LIPA: variants seen among roughly 807,000 people sequenced by gnomAD.
LIPA encodes the protein lysosomal acid lipase/cholesteryl ester hydrolase.
Under a neutral mutation model 40.6 loss-of-function variants are expected in LIPA, and 26 were observed. That is an observed-to-expected ratio of 0.64 (90% confidence interval 0.47 to 0.89). The LOEUF (loss-of-function observed/expected upper bound fraction) is 0.89. Among genes scored for constraint, LIPA ranks in the 40% least tolerant of loss-of-function variants. The pLI is 0.00. For synonymous variants in LIPA, 188 were observed against 168.4 expected, an observed-to-expected ratio of 1.12 and a Z score of -0.90; for missense variants, 455 against 479.6, an observed-to-expected ratio of 0.95 and a Z score of 0.48.
At chr10:89,313,823 T>C (rs2133528032) in intron 1 of LIPA, among the ~76,000 whole-genome samples, 1 of 152,340 alleles carries the variant, frequency 6.6e-6, no homozygotes, top group South Asian at 2.1e-4. Context: ...ATATGAAATG[T>C]GGAACGGAGG....
intron 1 of LIPA, among the ~76,000 whole-genome samples, chr10:89,300,286 G>T (rs1316395280): frequency 6.6e-6 from 1 of 152,160 alleles, no homozygotes; most frequent in African/African-American, 2.4e-5. Context: ...GTGGGAAGAT[G>T]AGAGTTAGGT....
At chr10:89,223,456 A>G (rs943876006) in intron 7 of LIPA, among the ~76,000 whole-genome samples, 1 of 152,178 alleles carries the variant, frequency 6.6e-6, no homozygotes, top group Non-Finnish European at 1.5e-5. Flanking sequence ...TCCTCATTCA[A>G]TAATCTCCAT....
chr10:89,302,685 C>T (rs1175375763), intron 1 of LIPA, among the ~76,000 whole-genome samples: 1 of 152,040 alleles, frequency 6.6e-6, no homozygotes, highest in Non-Finnish European at 1.5e-5. Flanking sequence ...CCCAAAATGC[C>T]TCCTGAGTAT....
At chr10:89,379,892 G>C (rs1339764688) in intron 2 of LIPA, among the ~76,000 whole-genome samples, 1 of 151,976 alleles carries the variant, frequency 6.6e-6, no homozygotes, top group Non-Finnish European at 1.5e-5. Context: ...AAAATTAGCC[G>C]GGAGTGGTGG....
intron 2 of LIPA, among the ~76,000 whole-genome samples, chr10:89,387,083 G>A (rs539277352): frequency 2.6e-5 from 4 of 152,142 alleles, no homozygotes; most frequent in African/African-American, 7.2e-5. Context: ...TTGGGAGGCC[G>A]AGGTGGGCAG....
intron 1 of LIPA, among the ~76,000 whole-genome samples, chr10:89,257,648 C>A (rs1460427339): frequency 6.6e-6 from 1 of 152,150 alleles, no homozygotes; most frequent in East Asian, 1.9e-4. Context: ...AGATAATTGC[C>A]TGGACAGATT....
At chr10:89,336,738 A>G (rs533470813) in intron 1 of LIPA, among the ~76,000 whole-genome samples, 1 of 151,060 alleles carries the variant, frequency 6.6e-6, no homozygotes, top group South Asian at 2.1e-4. Flanking sequence ...TAGCAGCCCT[A>G]TTTGGTTCAT....
At chr10:89,373,768 G>A (rs551077887) in intron 2 of LIPA, among the ~76,000 whole-genome samples, 1 of 152,342 alleles carries the variant, frequency 6.6e-6, no homozygotes, top group Non-Finnish European at 1.5e-5. Flanking sequence ...AAACTTTAAT[G>A]TACCAACAAA....
At chr10:89,295,976 T>C (rs1226850920) in intron 1 of LIPA, among the ~76,000 whole-genome samples, 1 of 152,194 alleles carries the variant, frequency 6.6e-6, no homozygotes, top group East Asian at 1.9e-4. Context: ...TGTAAATCAG[T>C]ATCTCAACCA....
In LIPA at chr10:89,399,871, C is replaced by G. The variant is rs569347983; in HGVS notation, c.61+12920G>C. Among the ~76,000 whole-genome samples the G allele has an allele frequency of 4.6e-5, 7 of 152,320 alleles. No individual in the cohort carries two copies. In the South Asian group the frequency reaches 1.5e-3, roughly 32 times the overall value. ...CCTTAGACACCAAAGCTCACTCTCT[C>G]TCTCTCTGTGCCACTGAGGAAAGGC... is the stretch of plus-strand genomic sequence containing the variant. On this transcript the variant is annotated intron_variant, in intron 2 of 8. Coordinates refer to the LIPA transcript ENST00000371837.
At chr10:89,354,452 A>C (rs749902097) in intron 2 of LIPA, among the ~76,000 whole-genome samples, 4 of 152,158 alleles carry the variant, frequency 2.6e-5, no homozygotes, top group Non-Finnish European at 4.4e-5. Context: ...ATCTCTTCAA[A>C]TATTTTAGAG....
At chr10:89,372,086 A>T (rs1844095078) in intron 2 of LIPA, among the ~76,000 whole-genome samples, 1 of 152,204 alleles carries the variant, frequency 6.6e-6, no homozygotes, top group Non-Finnish European at 1.5e-5. Flanking sequence ...CCCCTCATAG[A>T]GGCCCCTATC....
intron 1 of LIPA, among the ~76,000 whole-genome samples, chr10:89,273,134 A>T (rs1393680576): frequency 6.6e-6 from 1 of 152,224 alleles, no homozygotes; most frequent in African/African-American, 2.4e-5. Context: ...AGTTAACATC[A>T]GAATTCCTCT....
At chr10:89,268,952 C>T (rs1589583957) in intron 1 of LIPA, among the ~76,000 whole-genome samples, 2 of 149,278 alleles carry the variant, frequency 1.3e-5, no homozygotes, top group South Asian at 2.1e-4. Context: ...CACCACTGCA[C>T]TCCAGTCTGG....
chr10:89,240,000 A>T (rs983565574), intron 3 of LIPA, among the ~76,000 whole-genome samples: 4 of 152,144 alleles, frequency 2.6e-5, no homozygotes, highest in Non-Finnish European at 5.9e-5. Context: ...AGAGCTTCAC[A>T]GTTGAGCGAA....
At chr10:89,339,648 A>C (rs775154040) in intron 1 of LIPA, 5 of 1,614,216 alleles carry the variant, frequency 3.1e-6, no homozygotes, top group Non-Finnish European at 4.2e-6. Context: ...CTCTGAATGC[A>C]TACTCCGATC....
chr10:89,285,738 G>C lies in LIPA; in HGVS notation c.-1-38089C>G, dbSNP rs1589588776. 2.0e-5 allele frequency among the ~76,000 whole-genome samples: 3 copies of C among 151,508 alleles called. No individual in the cohort carries two copies. In the South Asian group the frequency reaches 6.3e-4, roughly 32 times the overall value. On this transcript the variant is annotated intron_variant, in intron 1 of 5. Transcript: ENST00000282673. ...TACCCCTTCTCCACTTTCCTGGGGG[G>C]CAAGCACCCCCCACTCCTTCTCTCT...
intron 2 of LIPA, among the ~76,000 whole-genome samples, chr10:89,382,544 T>C (rs1844170943): frequency 6.6e-6 from 1 of 152,238 alleles, no homozygotes; most frequent in Non-Finnish European, 1.5e-5. Flanking sequence ...TGAGATTTTA[T>C]AGCCTGTCCT....
chr10:89,332,506 G>T, intron 1 of LIPA: 1 of 1,594,778 alleles, frequency 6.3e-7, no homozygotes. Flanking sequence ...TTTCATAAAA[G>T]CACAGACCTA....
Sources: gnomAD v4.1 joint callset for allele counts (sites outside exome capture counted in the v4.1 genomes callset) on GRCh38, gnomAD v4.1.1 for gene constraint, MANE v1.5 for transcripts, NCBI Gene and HGNC (gene_info 2026-07-23, HGNC 2026-07-21) for gene names.